ZNF567: variants seen among roughly 807,000 people sequenced by gnomAD.
The protein encoded by ZNF567 is zinc finger protein 567.
Under a neutral mutation model 53.9 loss-of-function variants are expected in ZNF567, and 36 were observed. The ratio of observed to expected loss-of-function variants is 0.67; its 90% confidence interval spans 0.51 to 0.88. The LOEUF (loss-of-function observed/expected upper bound fraction) is 0.88. ZNF567 is among the 40% of genes least tolerant of loss of function. ZNF567 has a pLI of 0.00. For synonymous variants in ZNF567, 224 were observed against 260.4 expected (o/e 0.86, Z 1.35); for missense variants, 619 against 764.7 (o/e 0.81, Z 2.25).
At chr19:36,685,299 A>C (rs577348615), upstream of ZNF567, 1 of 152,404 alleles carries the variant, frequency 6.6e-6, no homozygotes, top group South Asian at 2.1e-4. Context: ...AAACAAAAAA[A>C]GGGGAGACCA....
chr19:36,675,099 A>G, the ZNF567 span, among the ~76,000 whole-genome samples: 1 of 152,320 alleles, frequency 6.6e-6, no homozygotes, highest in African/African-American at 2.4e-5. Flanking sequence ...ATTTAATAAA[A>G]TGCCTTAAAC....
chr19:36,712,455 C>T lies in ZNF567; in HGVS notation c.79C>T (p.Gln27Ter), dbSNP rs1192228685. The change falls in exon 4 of 6, where the codon CAG becomes TAG. Residue 27 changes from glutamine (Q) to a stop codon, truncating the protein, a stop_gained. Coordinates refer to ENST00000682579, the MANE Select transcript of ZNF567 (RefSeq NM_001322917.1). LOFTEE classifies it high-confidence loss of function. ...GGAGTGGCAGCACCTGGATCATGCT[C>T]AGAAGACTCTATATATGGATGTGAT... is the stretch of plus-strand genomic sequence containing the variant. ...QEEWQHLDHA[Q>*]KTLYMDVMLE... 1.2e-6 allele frequency: 2 copies of T among 1,614,080 alleles called. No individual in the cohort carries two copies. The highest frequency in any genetic ancestry group is 1.7e-6 in the Non-Finnish European group (2 of 1,179,978).
the ZNF567 span, among the ~76,000 whole-genome samples, chr19:36,678,239 C>G: frequency 3.3e-5 from 5 of 152,270 alleles, no homozygotes; most frequent in East Asian, 9.7e-4. Flanking sequence ...GTGGAGAGAA[C>G]TGAGGTCCCT....
the ZNF567 span, among the ~76,000 whole-genome samples, chr19:36,678,755 A>C: frequency 6.6e-6 from 1 of 151,796 alleles, no homozygotes; most frequent in Middle Eastern, 3.4e-3. Context: ...GAGGCAGGAG[A>C]ATGGTGTGAA....
chr19:36,685,479 G>A (rs2038247634), upstream of ZNF567: 1 of 151,924 alleles, frequency 6.6e-6, no homozygotes, highest in African/African-American at 2.4e-5. Flanking sequence ...TAAGGTCCTG[G>A]AGGGGAATGC....
intron 1 of ZNF567, among the ~76,000 whole-genome samples, chr19:36,688,531 G>A (rs983756631): frequency 2.6e-5 from 4 of 151,496 alleles, no homozygotes; most frequent in Admixed American, 2.6e-4. Flanking sequence ...ATGCGGGCCG[G>A]GCGCGGTGGC....
upstream of ZNF567, among the ~76,000 whole-genome samples, chr19:36,686,166 C>T (rs373783241): frequency 6.6e-6 from 1 of 152,146 alleles, no homozygotes; most frequent in South Asian, 2.1e-4. Context: ...ACTAGCATTT[C>T]AGGAGGAGAA....
chr19:36,687,484 G>C (rs1369223343), upstream of ZNF567: 1 of 152,372 alleles, frequency 6.6e-6, no homozygotes, highest in African/African-American at 2.4e-5. Flanking sequence ...CCGCCCGGGC[G>C]CCTGTGGGAA....
chr19:36,698,211 G>A (rs1330746684), intron 3 of ZNF567, among the ~76,000 whole-genome samples: 1 of 152,058 alleles, frequency 6.6e-6, no homozygotes, highest in African/African-American at 2.4e-5. Context: ...TACGGAGAAT[G>A]ATGATTTCCA....
chr19:36,712,920 G>C, intron 5 of ZNF567, 53 bp downstream of exon 5: 1 of 1,381,626 alleles, frequency 7.2e-7, no homozygotes. Context: ...AAATTTAAAA[G>C]GGTCAAGTGG....
At chr19:36,678,490 A>G in the ZNF567 span, among the ~76,000 whole-genome samples, 79 of 152,224 alleles carry the variant, frequency 5.2e-4, no homozygotes, top group Non-Finnish European at 1.1e-3. Context: ...TGCAAATCAT[A>G]TATTGGATAA....
upstream of ZNF567, among the ~76,000 whole-genome samples, chr19:36,685,015 A>C (rs3108205): frequency 0.67 from 102,174 of 152,034 alleles, 34,664 homozygotes; most frequent in East Asian, 0.82. Context: ...CGGCTGGCCG[A>C]GGTGGCTCAT....
At chr19:36,715,295 G>C (rs1419720861) in intron 5 of ZNF567, among the ~76,000 whole-genome samples, 1 of 150,976 alleles carries the variant, frequency 6.6e-6, no homozygotes, top group Non-Finnish European at 1.5e-5. Flanking sequence ...GGGGTAGCTG[G>C]GATTACAGGT....
chr19:36,720,181 T>A lies in ZNF567; in HGVS notation c.1457T>A (p.Phe486Tyr). 1 of 1,613,880 alleles carries A rather than the reference T, an allele frequency of 6.2e-7. No individual in the cohort carries two copies. The highest frequency in any genetic ancestry group is 8.5e-7 in the Non-Finnish European group (1 of 1,179,980). ...GAATGTCCTCACTGTGGGAAGGCCT[T>A]TAGAATGAAGTCATACCTCATTGAT... ...SYECPHCGKAFRMKSYLIDHH... is the reference protein window; with the variant it reads ...SYECPHCGKAYRMKSYLIDHH... The change falls in exon 6 of 6, where the codon TTT becomes TAT. Residue 486 changes from phenylalanine to tyrosine, a missense_variant. Coordinates refer to ENST00000682579, the MANE Select transcript of ZNF567 (RefSeq NM_001322917.1).
chr19:36,724,006 T>C (rs2040323866), downstream of ZNF567, among the ~76,000 whole-genome samples: 1 of 17,998 alleles, frequency 5.6e-5, no homozygotes, highest in South Asian at 1.1e-3. Context: ...CTGTATTTCT[T>C]TTTTTTTTTT....
At position 36,719,475 on chromosome 19, in the gene ZNF567, A is replaced by T; in HGVS notation, c.751A>T (p.Lys251Ter). 1 of 1,610,940 alleles carries T rather than the reference A, an allele frequency of 6.2e-7. No individual in the cohort carries two copies. The highest frequency in any genetic ancestry group is 1.3e-5 in the African/African-American group (1 of 74,720). ...NKKRRATNIE[K>*]KHTCNECGKS... ...AAAAAGAAGAGCAACCAATATTGAA[A>T]AAAAACATACATGCAATGAATGTGG... Residue 251 changes from lysine to a stop codon, truncating the protein, a stop_gained, in exon 6 of 6, where the codon AAA (lysine) becomes TAA (stop). Transcript: ENST00000682579. LOFTEE classifies it high-confidence loss of function.
At chr19:36,694,654 C>T (rs1030205283) in intron 2 of ZNF567, 148 bp from the exon 3 acceptor site, 16 of 476,846 alleles carry the variant, frequency 3.4e-5, no homozygotes, top group Non-Finnish European at 5.8e-5. Context: ...ATTTGCCTAG[C>T]TGGTTGTCCC....
rs1413476810 is a variant in ZNF567, at chr19:36,720,575, T to C, written c.1851T>C (p.Tyr617=). Reference sequence around the variant, plus strand: ...GAACTCACACAGGTGAGAAACCCTATGTTTGTAATGAGTGTGGTAAGTCTT... The same window carrying C: ...GAACTCACACAGGTGAGAAACCCTACGTTTGTAATGAGTGTGGTAAGTCTT... ...HQRTHTGEKP[Y]VCNECGKSFS... is the part of the protein sequence containing the mutation. The change falls in exon 6 of 6, where the codon TAT becomes TAC. Residue 617 remains tyrosine (Y), a synonymous_variant. Coordinates refer to ENST00000682579, the MANE Select transcript of ZNF567 (RefSeq NM_001322917.1). 7.4e-6 allele frequency: 12 copies of C among 1,613,078 alleles called. No individual in the cohort carries two copies. The highest frequency in any genetic ancestry group is 1.0e-5 in the Non-Finnish European group (12 of 1,179,700).
At chr19:36,715,729 A>G (rs1462249052) in intron 5 of ZNF567, among the ~76,000 whole-genome samples, 1 of 151,088 alleles carries the variant, frequency 6.6e-6, no homozygotes, top group African/African-American at 2.4e-5. Context: ...GGGCTTCTCC[A>G]TGTTGGTCAG....
Sources: gnomAD v4.1 joint callset for allele counts (sites outside exome capture counted in the v4.1 genomes callset) on GRCh38, gnomAD v4.1.1 for gene constraint, MANE v1.5 for transcripts, NCBI Gene and HGNC (gene_info 2026-07-23, HGNC 2026-07-21) for gene names.